The following DAB1 variants were observed in gnomAD, a reference collection of about 807,000 sequenced individuals.
DAB1 encodes disabled homolog 1.
In DAB1, 15 loss-of-function variants were observed where a neutral mutation model predicts 64.6. The ratio of observed to expected loss-of-function variants is 0.23; its 90% CI spans 0.16 to 0.36. DAB1 has a LOEUF of 0.36. Among genes scored for constraint, DAB1 ranks in the 10% least tolerant of loss-of-function variants. The pLI is 1.00. For missense variants in DAB1, 596 were observed against 706.7 expected, an observed-to-expected ratio of 0.84 and a Z score of 1.78; for synonymous variants, 235 against 251.9, an observed-to-expected ratio of 0.93 and a Z score of 0.64.
At chr1:57,480,809 A>G (rs998337975) in intron 7 of DAB1, among the ~76,000 whole-genome samples, 4 of 152,130 alleles carry the variant, frequency 2.6e-5, no homozygotes, top group African/African-American at 9.7e-5. Context: ...AATTCTTACA[A>G]CAAATCTACT....
chr1:57,227,091 C>T (rs1667324974), intron 2 of DAB1, among the ~76,000 whole-genome samples: 2 of 152,146 alleles, frequency 1.3e-5, no homozygotes, highest in African/African-American at 2.4e-5. Context: ...GGGAGGATCA[C>T]TTGAGCCCAG....
intron 6 of DAB1, among the ~76,000 whole-genome samples, chr1:57,694,519 G>A (rs577396556): frequency 7.4e-4 from 112 of 152,238 alleles, no homozygotes; most frequent in African/African-American, 2.3e-3. Context: ...GAGGTAACCT[G>A]CAGAAAGGCC....
At chr1:57,643,012 A>G (rs7554762) in intron 7 of DAB1, among the ~76,000 whole-genome samples, 45,584 of 151,912 alleles carry the variant, frequency 0.3, 7,087 homozygotes, top group Admixed American at 0.36. Flanking sequence ...AGGGAGGACA[A>G]TGGGGGAACA....
intron 4 of DAB1, among the ~76,000 whole-genome samples, chr1:58,313,819 A>ATGTGTGTGTGTGTGTGTG (rs35817738): frequency 1.7e-5 from 2 of 119,974 alleles, no homozygotes; most frequent in African/African-American, 7.1e-5. Context: ...TTGTATCTTC[A>ATGTGTGTGTGTGTGTGTG]TGTGTGTGTG....
chr1:58,167,460 G>C (rs1358948107), intron 4 of DAB1, among the ~76,000 whole-genome samples: 2 of 152,042 alleles, frequency 1.3e-5, no homozygotes, highest in Non-Finnish European at 2.9e-5. Context: ...TCTGTGTCTA[G>C]CTAAAGGATT....
At chr1:57,942,010 G>C (rs1645113314) in intron 5 of DAB1, among the ~76,000 whole-genome samples, 1 of 152,120 alleles carries the variant, frequency 6.6e-6, no homozygotes, top group Non-Finnish European at 1.5e-5. Flanking sequence ...AAAAAGTCAA[G>C]TGTTTCAATA....
At chr1:57,796,797 C>A (rs1425386203) in intron 6 of DAB1, among the ~76,000 whole-genome samples, 1 of 151,918 alleles carries the variant, frequency 6.6e-6, no homozygotes, top group South Asian at 2.1e-4. Context: ...TAGTCTGGTC[C>A]CTCCCTCAGC....
At chr1:57,644,247 T>C (rs1346624350) in intron 7 of DAB1, among the ~76,000 whole-genome samples, 1 of 152,122 alleles carries the variant, frequency 6.6e-6, no homozygotes, top group African/African-American at 2.4e-5. Context: ...TGAACTGGAA[T>C]GGGTGAGGTC....
chr1:57,666,965 A>G (rs1570720047), intron 6 of DAB1, among the ~76,000 whole-genome samples: 1 of 151,982 alleles, frequency 6.6e-6, no homozygotes, highest in Admixed American at 6.6e-5. Context: ...GAAAACGCCT[A>G]CCTTGATCCA....
chr1:57,571,511 G>A (rs2101534185), intron 7 of DAB1, among the ~76,000 whole-genome samples: 1 of 152,288 alleles, frequency 6.6e-6, no homozygotes, highest in South Asian at 2.1e-4. Context: ...TAGATTAGCT[G>A]TTTTAAATTG....
intron 5 of DAB1, among the ~76,000 whole-genome samples, chr1:57,889,934 G>A (rs1644285937): frequency 6.7e-6 from 1 of 150,060 alleles, no homozygotes; most frequent in Admixed American, 6.7e-5. Context: ...CACTGGAGTA[G>A]AGGAATGTTC....
At chr1:58,364,918 TC>T (rs1260969944) in intron 3 of DAB1, among the ~76,000 whole-genome samples, 2 of 152,152 alleles carry the variant, frequency 1.3e-5, no homozygotes, top group African/African-American at 4.8e-5. Flanking sequence ...TCTTGAGGAG[TC>T]CAAATCATTT....
intron 2 of DAB1, among the ~76,000 whole-genome samples, chr1:58,525,798 C>T (rs11590785): frequency 0.13 from 20,353 of 152,022 alleles, 1,521 homozygotes; most frequent in Middle Eastern, 0.22. Context: ...AGGACAGAAG[C>T]TTCAGGTATC....
intron 6 of DAB1, among the ~76,000 whole-genome samples, chr1:57,778,520 T>A (rs1013055477): frequency 1.3e-5 from 2 of 151,964 alleles, no homozygotes; most frequent in Non-Finnish European, 2.9e-5. Context: ...ATTTCTTAAA[T>A]TTTTTCCCAG....
chr1:57,839,173 C>T (rs1285333755), intron 1 of DAB1, among the ~76,000 whole-genome samples: 2 of 152,086 alleles, frequency 1.3e-5, no homozygotes, highest in African/African-American at 4.8e-5. Flanking sequence ...GCACTAGAAA[C>T]CTTAGGCCTA....
chr1:57,239,336 A>G (rs1445204614), intron 2 of DAB1, among the ~76,000 whole-genome samples: 1 of 152,194 alleles, frequency 6.6e-6, no homozygotes, highest in Non-Finnish European at 1.5e-5. Flanking sequence ...CACAGTAATC[A>G]TGTCATTAAT....
At chr1:57,054,286 T>C (rs940338092) in intron 9 of DAB1, among the ~76,000 whole-genome samples, 3 of 151,986 alleles carry the variant, frequency 2.0e-5, no homozygotes, top group South Asian at 2.1e-4. Context: ...CCAAGTTCAG[T>C]GTTATAAGGT....
chr1:58,246,685 G>A (rs139119928), intron 4 of DAB1, among the ~76,000 whole-genome samples: 7 of 152,234 alleles, frequency 4.6e-5, no homozygotes, highest in African/African-American at 9.6e-5. Flanking sequence ...ATATGTGTGC[G>A]AAGGCATGTC....
chr1:57,738,669 A>G (rs973816444), intron 6 of DAB1, among the ~76,000 whole-genome samples: 2 of 152,198 alleles, frequency 1.3e-5, no homozygotes, highest in Non-Finnish European at 2.9e-5. Context: ...TTGATTATTT[A>G]TACTTAAGAA....
Sources: gnomAD v4.1 joint callset for allele counts (sites outside exome capture counted in the v4.1 genomes callset) on GRCh38, gnomAD v4.1.1 for gene constraint, MANE v1.5 for transcripts, NCBI Gene and HGNC (gene_info 2026-07-23, HGNC 2026-07-21) for gene names.